The following MYO1D variants were observed in gnomAD, a reference collection of about 807,000 sequenced individuals.
MYO1D encodes unconventional myosin-Id.
In MYO1D, 83 loss-of-function variants were observed where a neutral mutation model predicts 122.0. The observed-to-expected ratio is 0.68, with a 90% CI of 0.57 to 0.82. MYO1D has a LOEUF of 0.82. Among genes scored for constraint, MYO1D ranks in the 40% least tolerant of loss-of-function variants. MYO1D has a pLI of 0.00. For missense variants in MYO1D, 1,157 were observed against 1,269.5 expected, an observed-to-expected ratio of 0.91 and a Z score of 1.35; for synonymous variants, 464 against 446.9, an observed-to-expected ratio of 1.04 and a Z score of -0.48.
At chr17:32,683,604 G>C (rs1388879010) in intron 16 of MYO1D, among the ~76,000 whole-genome samples, 6 of 151,378 alleles carry the variant, frequency 4.0e-5, no homozygotes, top group African/African-American at 7.3e-5. Flanking sequence ...GCAGTCTGCC[G>C]GTTCTCAGAT....
intron 1 of MYO1D, among the ~76,000 whole-genome samples, chr17:32,872,959 G>T (rs1408911111): frequency 6.6e-6 from 1 of 151,666 alleles, no homozygotes; most frequent in Non-Finnish European, 1.5e-5. Context: ...GCCTCCCAAA[G>T]TGCTGGGATT....
chr17:32,733,968 AT>A (rs1453862699), intron 14 of MYO1D, among the ~76,000 whole-genome samples: 4 of 152,076 alleles, frequency 2.6e-5, no homozygotes, highest in Non-Finnish European at 5.9e-5. Context: ...TTGATCTCTA[AT>A]TTTATTTTCT....
At chr17:32,772,976 G>A in intron 4 of MYO1D, 134 bp from the exon 5 acceptor site, 8 of 709,006 alleles carry the variant, frequency 1.1e-5, no homozygotes, top group Non-Finnish European at 2.0e-5. Context: ...TGAAGCAACT[G>A]AAGAATCACA....
At chr17:32,521,670 C>A (rs1462671893) in intron 21 of MYO1D, among the ~76,000 whole-genome samples, 2 of 152,186 alleles carry the variant, frequency 1.3e-5, no homozygotes, top group Non-Finnish European at 2.9e-5. Flanking sequence ...AATCTCAGGG[C>A]CAGGTGCGGT....
chr17:32,723,075 C>T (rs183434332), intron 14 of MYO1D, among the ~76,000 whole-genome samples: 17 of 152,288 alleles, frequency 1.1e-4, no homozygotes, highest in South Asian at 6.2e-4. Context: ...AGCCTCACAA[C>T]GGCGTCTTGG....
In MYO1D at chr17:32,644,546, T is replaced by A. The variant is rs192432845; in HGVS notation, c.2596-5711A>T. On this transcript the variant is annotated intron_variant, in intron 19 of 21. Coordinates refer to ENST00000318217, the MANE Select transcript of MYO1D (RefSeq NM_015194.3). ...GTCTCCCATTATTATTGTGTGGGAGTCTAAGTCTCTTTGTAGGTCTCTAAG... is the reference window on the plus strand; with the variant it reads ...GTCTCCCATTATTATTGTGTGGGAGACTAAGTCTCTTTGTAGGTCTCTAAG... 2.5e-3 allele frequency among the ~76,000 whole-genome samples: 382 copies of A among 152,274 alleles called. 1 individual carries two copies. The highest frequency in any genetic ancestry group is 4.3e-3 in the Admixed American group (66 of 15,286).
chr17:32,511,605 CT>C (rs5819985), intron 21 of MYO1D, among the ~76,000 whole-genome samples: 172 of 143,486 alleles, frequency 1.2e-3, no homozygotes, highest in Middle Eastern at 3.5e-3. Flanking sequence ...CTGTATTGAA[CT>C]TTTTTTTTTT....
chr17:32,760,233 G>A (rs2089985729), intron 10 of MYO1D, 57 bp downstream of exon 10: 2 of 1,355,142 alleles, frequency 1.5e-6, no homozygotes, highest in Non-Finnish European at 2.1e-6. Flanking sequence ...AATAAAATTT[G>A]ACATTATCAA....
At chr17:32,587,304 G>A (rs1444243299) in intron 21 of MYO1D, among the ~76,000 whole-genome samples, 5 of 152,124 alleles carry the variant, frequency 3.3e-5, no homozygotes, top group African/African-American at 1.2e-4. Context: ...TTGAGGTCAG[G>A]GGTTTGAGAC....
rs540180686 is a variant in MYO1D, at chr17:32,532,424, G to A, written c.2865-37509C>T. Among the ~76,000 whole-genome samples, 6 of 152,214 alleles carry A rather than the reference G, an allele frequency of 3.9e-5. No homozygotes were observed. In the South Asian group the frequency reaches 6.2e-4, roughly 16 times the overall value. On this transcript the variant is annotated intron_variant, in intron 21 of 21. Transcript: ENST00000318217. The stretch of plus-strand genomic sequence containing the variant: ...TTAAAAGAGGTGCCCTTAGTCGGGC[G>A]AATATTAAAAGTAGAAGAAGGGGCC...
chr17:32,540,662 A>T (rs1200181301), intron 21 of MYO1D, among the ~76,000 whole-genome samples: 1 of 151,962 alleles, frequency 6.6e-6, no homozygotes, highest in Non-Finnish European at 1.5e-5. Context: ...ATGGTGGCTC[A>T]CTCCTGTAAT....
chr17:32,769,152 T>C (rs2090089449), intron 6 of MYO1D, among the ~76,000 whole-genome samples: 1 of 152,118 alleles, frequency 6.6e-6, no homozygotes, highest in African/African-American at 2.4e-5. Context: ...GGGAAAGTGT[T>C]TATGGGGGAT....
intron 21 of MYO1D, among the ~76,000 whole-genome samples, chr17:32,575,309 A>G (rs1567895360): frequency 6.6e-6 from 1 of 152,232 alleles, no homozygotes; most frequent in African/African-American, 2.4e-5. Context: ...TATATAGCTC[A>G]ATCCATTAAA....
intron 21 of MYO1D, among the ~76,000 whole-genome samples, chr17:32,515,966 A>G (rs1416400504): frequency 6.6e-6 from 1 of 152,224 alleles, no homozygotes; most frequent in African/African-American, 2.4e-5. Flanking sequence ...CTTCTGATGG[A>G]AAGTCTACCC....
intron 14 of MYO1D, among the ~76,000 whole-genome samples, chr17:32,736,575 C>T (rs1053837238): frequency 6.6e-5 from 10 of 152,182 alleles, no homozygotes; most frequent in Non-Finnish European, 8.8e-5. Context: ...ATAAATGTCT[C>T]TCTTATTTAA....
chr17:32,866,585 A>G (rs1338459913), intron 1 of MYO1D, among the ~76,000 whole-genome samples: 1 of 152,240 alleles, frequency 6.6e-6, no homozygotes, highest in Non-Finnish European at 1.5e-5. Flanking sequence ...AACCAGACTG[A>G]GCAGATTTAC....
chr17:32,586,916 A>C (rs1567899181), intron 21 of MYO1D, among the ~76,000 whole-genome samples: 1 of 152,180 alleles, frequency 6.6e-6, no homozygotes, highest in Non-Finnish European at 1.5e-5. Context: ...AGCATCCAGC[A>C]GTCCTCTTTT....
chr17:32,583,198 T>G (rs2087357580), intron 21 of MYO1D, among the ~76,000 whole-genome samples: 1 of 152,230 alleles, frequency 6.6e-6, no homozygotes, highest in Non-Finnish European at 1.5e-5. Flanking sequence ...ACTTTAAAGA[T>G]GTTTCTCTAT....
At chr17:32,738,217 G>A (rs199762107) in intron 14 of MYO1D, 36 bp downstream of exon 14, 16 of 1,518,672 alleles carry the variant, frequency 1.1e-5, no homozygotes, top group African/African-American at 1.4e-5. Flanking sequence ...GGAAATCTAT[G>A]AGTTAAAATG....
Sources: gnomAD v4.1 joint callset for allele counts (sites outside exome capture counted in the v4.1 genomes callset) on GRCh38, gnomAD v4.1.1 for gene constraint, MANE v1.5 for transcripts, NCBI Gene and HGNC (gene_info 2026-07-23, HGNC 2026-07-21) for gene names.